SPECC1L: variants seen among roughly 807,000 people sequenced by gnomAD.
SPECC1L encodes the protein sperm antigen with calponin homology and coiled-coil domains 1 like.
Under a neutral mutation model 116.8 loss-of-function variants are expected in SPECC1L, and 40 were observed. That is an observed-to-expected ratio of 0.34 (90% CI 0.27 to 0.45). SPECC1L has a LOEUF of 0.45. SPECC1L is among the 20% of genes least tolerant of loss of function. The probability of loss-of-function intolerance (pLI) is 1.00; values close to 1 mark genes in which losing one functional copy is unlikely to be tolerated. For missense variants in SPECC1L, 1,110 were observed against 1,373.6 expected (o/e 0.81, Z 3.03); for synonymous variants, 504 against 500.6 (o/e 1.01, Z -0.09).
At position 24,390,852 on chromosome 22, in the gene SPECC1L, CT is replaced by C. The variant is rs60006066; in HGVS notation, c.3088-20722del. Among the ~76,000 whole-genome samples, 159 of 48,544 alleles carry C rather than the reference CT, an allele frequency of 3.3e-3. 2 individuals carry two copies. The highest frequency in any genetic ancestry group is 0.011 in the Middle Eastern group (1 of 92). 31.8% of individuals were successfully genotyped at this position (48,544 alleles called of 152,430 possible). A position where few individuals can be genotyped will look rare whatever the true frequency, so the allele number is the denominator to read the frequency against. On this transcript the variant is annotated intron_variant, in intron 14 of 16. Coordinates refer to ENST00000314328, the MANE Select transcript of SPECC1L (RefSeq NM_015330.6). ...CAGGGCTCTTCTTGGGCCTGTGTTC[CT>C]TTTTTTTTTTTTTCTTTTCTTTTTT...
At chr22:24,399,303 G>GCT (rs1229876866) in intron 14 of SPECC1L, among the ~76,000 whole-genome samples, 3 of 152,230 alleles carry the variant, frequency 2.0e-5, no homozygotes, top group Non-Finnish European at 4.4e-5. Flanking sequence ...GGGCATGGTG[G>GCT]CTCACGCCTG....
At position 24,394,936 on chromosome 22, in the gene SPECC1L, C is replaced by T. The variant is rs531788146; in HGVS notation, c.3088-16652C>T. Among the ~76,000 whole-genome samples the T allele has an allele frequency of 2.3e-4, 35 of 152,094 alleles. 1 individual carries two copies. In the South Asian group the frequency reaches 7.1e-3, roughly 31 times the overall value. The stretch of plus-strand genomic sequence containing the variant: ...GCCTTGAACTCCTGGGCTCAATCGA[C>T]CCTCCCACCTCAGCCTCCAAAGTAG... On this transcript the variant is annotated intron_variant, in intron 14 of 16. Transcript: ENST00000314328.
chr22:24,374,922 TAAAC>T (rs927958692), intron 14 of SPECC1L, among the ~76,000 whole-genome samples: 3 of 151,486 alleles, frequency 2.0e-5, no homozygotes, highest in Non-Finnish European at 4.4e-5. Context: ...TTTGAAAAGA[TAAAC>T]AAATTGACAA....
chr22:24,273,249 T>C (rs1473138335), intron 1 of SPECC1L, among the ~76,000 whole-genome samples: 4 of 152,216 alleles, frequency 2.6e-5, no homozygotes, highest in African/African-American at 4.8e-5. Context: ...TCAAAATTAC[T>C]ATCATATACA....
intron 3 of SPECC1L, among the ~76,000 whole-genome samples, chr22:24,312,653 A>G (rs2040485076): frequency 6.6e-6 from 1 of 152,190 alleles, no homozygotes; most frequent in Non-Finnish European, 1.5e-5. Flanking sequence ...TTTATTATCC[A>G]TAGTGTTTTT....
At chr22:24,330,565 C>T (rs967949232) in intron 8 of SPECC1L, 134 bp downstream of exon 8, 1 of 922,714 alleles carries the variant, frequency 1.1e-6, no homozygotes, top group Admixed American at 2.1e-5. Context: ...AGTTACTCAG[C>T]TTTTCTGGGC....
Position 24,321,438 on chromosome 22 carries a change from G to A in SPECC1L, c.458G>A (p.Arg153His), listed in dbSNP as rs1343658296. 3.1e-6 allele frequency: 5 copies of A among 1,614,110 alleles called. No homozygotes were observed. Among genetic ancestry groups the A allele is most frequent in the Admixed American group, 1.7e-5 (1 of 60,006 alleles). The change falls in exon 5 of 17, where the codon CGT becomes CAT. Residue 153 changes from arginine to histidine, a missense_variant. By Grantham distance (29) the Arg-to-His change is conservative. Around this residue, in one of 4 missense-constraint regions of SPECC1L, gnomAD observed 437 missense variants for 482.6 expected, o/e 0.91. Coordinates refer to ENST00000314328, the MANE Select transcript of SPECC1L (RefSeq NM_015330.6). ...GCTAATGACATGGCATTGGCCAAAC[G>A]TTCCCGCAGTCGAACTGCTACAGAA... The part of the protein sequence containing the change: ...QGANDMALAK[R>H]SRSRTATECD...
At chr22:24,289,271 T>C (rs1201589319) in intron 2 of SPECC1L, among the ~76,000 whole-genome samples, 1 of 152,206 alleles carries the variant, frequency 6.6e-6, no homozygotes, top group Non-Finnish European at 1.5e-5. Flanking sequence ...AACGAATGTG[T>C]TTTGGACTAA....
intron 9 of SPECC1L, 96 bp from the exon 10 acceptor site, chr22:24,338,290 A>G: frequency 8.2e-7 from 1 of 1,213,782 alleles, no homozygotes; most frequent in Non-Finnish European, 1.2e-6. Flanking sequence ...GCGGGGTTTG[A>G]GAGCATTGGG....
At chr22:24,281,638 A>G (rs1267859768) in intron 2 of SPECC1L, among the ~76,000 whole-genome samples, 6 of 152,186 alleles carry the variant, frequency 3.9e-5, no homozygotes, top group African/African-American at 1.4e-4. Flanking sequence ...GTTTTTGTGT[A>G]TTAATCTTGT....
Position 24,363,258 on chromosome 22 carries a change from C to T in SPECC1L, c.2744-3C>T. ...TTATTGGGATTCTTTCTACTTTGTA[C>T]AGAGCATCTGTTAAGAACATCTTCA... is the stretch of plus-strand genomic sequence containing the variant. On this transcript the variant is annotated splice_polypyrimidine_tract_variant and splice_region_variant and intron_variant, in intron 11 of 16. Transcript: ENST00000314328. 1 of 1,613,246 alleles carries T rather than the reference C, an allele frequency of 6.2e-7. No homozygotes were observed. Among genetic ancestry groups the T allele is most frequent in the Non-Finnish European group, 8.5e-7 (1 of 1,179,200 alleles).
intron 8 of SPECC1L, among the ~76,000 whole-genome samples, chr22:24,333,641 G>T (rs1443123020): frequency 2.7e-5 from 4 of 150,856 alleles, no homozygotes; most frequent in South Asian, 2.1e-4. Flanking sequence ...TAAAGAGTGT[G>T]GGCTAAGCAT....
chr22:24,278,355 C>T (rs1004786594), intron 2 of SPECC1L, among the ~76,000 whole-genome samples: 1 of 151,996 alleles, frequency 6.6e-6, no homozygotes, highest in Non-Finnish European at 1.5e-5. Flanking sequence ...AGCAAGACTC[C>T]GTTTCAGGGA....
intron 4 of SPECC1L, among the ~76,000 whole-genome samples, chr22:24,316,895 G>A (rs2040583220): frequency 8.0e-6 from 1 of 124,572 alleles, no homozygotes; most frequent in Non-Finnish European, 1.8e-5. Context: ...GGGGCGGCTG[G>A]CCGGGCGGGG....
chr22:24,303,165 A>G (rs2049416232), intron 3 of SPECC1L, among the ~76,000 whole-genome samples: 2 of 152,146 alleles, frequency 1.3e-5, no homozygotes, highest in Admixed American at 6.5e-5. Flanking sequence ...CTGATAGATC[A>G]TGGCTTAATT....
intron 14 of SPECC1L, among the ~76,000 whole-genome samples, chr22:24,407,443 G>A (rs545575074): frequency 6.6e-6 from 1 of 152,186 alleles, no homozygotes; most frequent in Non-Finnish European, 1.5e-5. Flanking sequence ...AGGCGGATGG[G>A]ACACAGGAGC....
chr22:24,321,297 C>T lies in SPECC1L; in HGVS notation c.317C>T (p.Ser106Phe), dbSNP rs1215895220. 6.2e-7 allele frequency: 1 copy of T among 1,613,948 alleles called. No individual in the cohort carries two copies. Among genetic ancestry groups the T allele is most frequent in the South Asian group, 1.1e-5 (1 of 91,072 alleles). The change falls in exon 5 of 17, where the codon TCT becomes TTT. Residue 106 changes from serine to phenylalanine, a missense_variant. Around this residue, in one of 4 missense-constraint regions of SPECC1L, gnomAD observed 437 missense variants for 482.6 expected, o/e 0.91. Transcript: ENST00000314328. ...NKSKISTGTA[S>F]STKRSTSTGN... is the part of the protein sequence containing the mutation. ...TGTATTAAACACATAGGCACAGCTT[C>T]TTCAACCAAGCGGAGCACTTCTACA...
At chr22:24,370,487 A>G (rs1359798638) in intron 14 of SPECC1L, among the ~76,000 whole-genome samples, 2 of 152,252 alleles carry the variant, frequency 1.3e-5, no homozygotes, top group Non-Finnish European at 2.9e-5. Flanking sequence ...GACCTATAAA[A>G]TGTTGTAACT....
At chr22:24,364,892 T>C (rs2041721602) in intron 12 of SPECC1L, among the ~76,000 whole-genome samples, 1 of 152,226 alleles carries the variant, frequency 6.6e-6, no homozygotes, top group Non-Finnish European at 1.5e-5. Context: ...GTACTCACTA[T>C]GTGCTTGGTA....
Sources: gnomAD v4.1 joint callset for allele counts (sites outside exome capture counted in the v4.1 genomes callset) on GRCh38, gnomAD v4.1.1 for gene constraint, gnomAD v4.1.1 regional missense constraint, MANE v1.5 for transcripts, NCBI Gene and HGNC (gene_info 2026-07-23, HGNC 2026-07-21) for gene names.